Variants in KCNJ12 observed in about 807,000 individuals in gnomAD.
KCNJ12 encodes potassium inwardly rectifying channel subfamily J member 12.
KCNJ12 carries 2 observed loss-of-function variants against 22.3 expected under a neutral mutation model. The ratio of observed to expected loss-of-function variants is 0.09; its 90% CI spans 0.04 to 0.28. The LOEUF is 0.28. Among genes scored for constraint, KCNJ12 ranks in the 10% least tolerant of loss-of-function variants. The probability of loss-of-function intolerance (pLI) is 1.00; values close to 1 mark genes in which losing one functional copy is unlikely to be tolerated. For missense variants in KCNJ12, 155 were observed against 633.3 expected (o/e 0.24, Z 8.11); for synonymous variants, 117 against 261.4 (o/e 0.45, Z 5.33).
intron 2 of KCNJ12, among the ~76,000 whole-genome samples, chr17:21,411,074 C>T (rs1227246346): frequency 3.3e-5 from 5 of 152,310 alleles, no homozygotes; most frequent in African/African-American, 1.2e-4. Flanking sequence ...CCTGCACTCT[C>T]CCTTCCGGTC....
At position 21,419,633 on chromosome 17, in the gene KCNJ12, C is replaced by G. The variant is rs1226093585; in HGVS notation, c.*2989C>G. On this transcript the variant is annotated 3_prime_UTR_variant, in exon 3 of 3. Transcript: ENST00000583088. ...GCTGCTCAGAGCACGGTGGCCACCCCCTGAGCCTCTGCTGGTGCTGTGCTG... is the reference window on the plus strand; with the variant it reads ...GCTGCTCAGAGCACGGTGGCCACCCGCTGAGCCTCTGCTGGTGCTGTGCTG... 1 of 167,460 alleles carries G rather than the reference C, an allele frequency of 6.0e-6. No homozygotes were observed. Among genetic ancestry groups the G allele is most frequent in the Non-Finnish European group, 1.5e-5 (1 of 68,404 alleles). The allele number at this position is 167,460 out of a possible 1,614,324, so 10.4% of individuals were successfully genotyped here.
Position 21,387,090 on chromosome 17 carries a change from A to C in KCNJ12, c.-179+10177A>C, listed in dbSNP as rs4985852. On this transcript the variant is annotated intron_variant, in intron 1 of 2. Coordinates refer to ENST00000583088, the MANE Select transcript of KCNJ12 (RefSeq NM_021012.5). Reference sequence around the variant, plus strand: ...AGAATGGCGTGAACCCGGGGGGCGGAGCCTGCAGTGAGCGGAGATCGCGCC... The same window carrying C: ...AGAATGGCGTGAACCCGGGGGGCGGCGCCTGCAGTGAGCGGAGATCGCGCC... 3.3e-3 allele frequency among the ~76,000 whole-genome samples: 505 copies of C among 152,108 alleles called. 1 individual carries two copies. Among genetic ancestry groups the C allele is most frequent in the Non-Finnish European group, 6.2e-3 (420 of 67,990 alleles).
chr17:21,398,115 G>A (rs1216972857), intron 1 of KCNJ12, among the ~76,000 whole-genome samples: 1 of 152,058 alleles, frequency 6.6e-6, no homozygotes, highest in Non-Finnish European at 1.5e-5. Flanking sequence ...GTGTGTGTGT[G>A]TGTGTCCATG....
chr17:21,378,456 G>A (rs1904748676), intron 1 of KCNJ12, among the ~76,000 whole-genome samples: 1 of 152,166 alleles, frequency 6.6e-6, no homozygotes, highest in Non-Finnish European at 1.5e-5. Context: ...CAGGGGACCC[G>A]AGGTTGGCAG....
intron 1 of KCNJ12, among the ~76,000 whole-genome samples, chr17:21,387,972 C>G (rs1462988951): frequency 1.3e-5 from 2 of 152,072 alleles, no homozygotes; most frequent in Non-Finnish European, 2.9e-5. Context: ...TGCACTGGGT[C>G]CCTTCCTTCC....
intron 1 of KCNJ12, among the ~76,000 whole-genome samples, chr17:21,378,175 C>T (rs1249849911): frequency 6.6e-6 from 1 of 152,244 alleles, no homozygotes; most frequent in Non-Finnish European, 1.5e-5. Context: ...GGCCGCGCGG[C>T]TGGACCCCAG....
intron 1 of KCNJ12, among the ~76,000 whole-genome samples, chr17:21,406,126 C>T (rs1211305931): frequency 1.3e-5 from 2 of 152,312 alleles, no homozygotes; most frequent in Non-Finnish European, 2.9e-5. Context: ...CAATATCCGA[C>T]CTTCGCTGCT....
intron 2 of KCNJ12, among the ~76,000 whole-genome samples, chr17:21,412,807 GA>G (rs1254006823): frequency 4.6e-5 from 7 of 152,304 alleles, no homozygotes; most frequent in Admixed American, 1.3e-4. Context: ...CATGGTGGGG[GA>G]CGGCGCTAGA....
intron 1 of KCNJ12, among the ~76,000 whole-genome samples, chr17:21,391,196 C>T (rs910535238): frequency 6.6e-6 from 1 of 152,228 alleles, no homozygotes; most frequent in Non-Finnish European, 1.5e-5. Context: ...TCTGCCTGCC[C>T]GTTTGTCATG....
At chr17:21,387,297 C>G (rs1555558780) in intron 1 of KCNJ12, among the ~76,000 whole-genome samples, 1 of 143,006 alleles carries the variant, frequency 7.0e-6, no homozygotes, top group Non-Finnish European at 1.5e-5. Context: ...AAAAAATTAG[C>G]CGGGCGTGGT....
intron 1 of KCNJ12, among the ~76,000 whole-genome samples, chr17:21,387,291 A>T (rs1468072699): frequency 7.2e-6 from 1 of 139,620 alleles, no homozygotes; most frequent in African/African-American, 2.7e-5. Context: ...AAATACAAAA[A>T]ATTAGCCGGG....
chr17:21,404,147 G>C (rs73310170), intron 1 of KCNJ12, among the ~76,000 whole-genome samples: 2 of 100,106 alleles, frequency 2.0e-5, no homozygotes, highest in African/African-American at 7.5e-5. Flanking sequence ...GGCTGGCAGG[G>C]CTTCTGTGGA....
chr17:21,379,844 G>T (rs949558390), intron 1 of KCNJ12, among the ~76,000 whole-genome samples: 1 of 152,114 alleles, frequency 6.6e-6, no homozygotes, highest in Non-Finnish European at 1.5e-5. Flanking sequence ...GCTGGGCTCG[G>T]GGCAGGACCA....
At chr17:21,385,544 GC>G (rs1380663690) in intron 1 of KCNJ12, among the ~76,000 whole-genome samples, 1 of 152,192 alleles carries the variant, frequency 6.6e-6, no homozygotes, top group African/African-American at 2.4e-5. Context: ...CCCTCCCCAG[GC>G]CCTGGGAGCC....
chr17:21,392,195 C>T (rs1217571159), intron 1 of KCNJ12, among the ~76,000 whole-genome samples: 1 of 152,160 alleles, frequency 6.6e-6, no homozygotes, highest in Non-Finnish European at 1.5e-5. Flanking sequence ...AGAAGCTGCC[C>T]TACCCTCTGC....
chr17:21,387,845 A>C (rs1905116329), intron 1 of KCNJ12, among the ~76,000 whole-genome samples: 1 of 152,118 alleles, frequency 6.6e-6, no homozygotes, highest in Non-Finnish European at 1.5e-5. Context: ...CCTGTCCAAG[A>C]GAAAGTTCTG....
intron 1 of KCNJ12, among the ~76,000 whole-genome samples, chr17:21,390,384 C>T (rs1905179876): frequency 6.6e-6 from 1 of 152,228 alleles, no homozygotes; most frequent in African/African-American, 2.4e-5. Context: ...AAAGTCCTGC[C>T]CCACGGAGCT....
intron 1 of KCNJ12, among the ~76,000 whole-genome samples, chr17:21,401,174 C>T (rs1905603347): frequency 6.6e-6 from 1 of 152,262 alleles, no homozygotes; most frequent in Non-Finnish European, 1.5e-5. Flanking sequence ...GCCTTGCCCC[C>T]AGGGTCCTTG....
chr17:21,393,988 C>A (rs1905271402), intron 1 of KCNJ12, among the ~76,000 whole-genome samples: 1 of 152,188 alleles, frequency 6.6e-6, no homozygotes, highest in African/African-American at 2.4e-5. Flanking sequence ...AGGACCCAGG[C>A]AAAGGAGGAC....
Sources: gnomAD v4.1 joint callset for allele counts (sites outside exome capture counted in the v4.1 genomes callset) on GRCh38, gnomAD v4.1.1 for gene constraint, MANE v1.5 for transcripts, NCBI Gene and HGNC (gene_info 2026-07-23, HGNC 2026-07-21) for gene names.